Variants in ZNF304 observed in about 807,000 individuals in gnomAD.
The protein encoded by ZNF304 is KRAB-containing zinc finger protein.
Under a neutral mutation model 7.8 loss-of-function variants are expected in ZNF304, and 7 were observed. That is an observed-to-expected ratio of 0.90 (90% CI 0.51 to 1.69). The LOEUF (loss-of-function observed/expected upper bound fraction) is 1.69, where lower values mean the gene tolerates loss of function less well. ZNF304 is among the 40% of genes most tolerant of loss of function. The pLI is 0.00. For synonymous variants in ZNF304, 280 were observed against 272.4 expected (o/e 1.03, Z -0.27); for missense variants, 669 against 804.8 (o/e 0.83, Z 2.04).
intron 2 of ZNF304, among the ~76,000 whole-genome samples, chr19:57,354,907 T>G (rs954695008): frequency 6.6e-6 from 1 of 152,218 alleles, no homozygotes; most frequent in East Asian, 1.9e-4. Flanking sequence ...CTGGCTGTGT[T>G]CAGTGTTTCT....
Position 57,358,310 on chromosome 19 carries a change from A to G in ZNF304, c.*461A>G, listed in dbSNP as rs1027039688. ...CCTCATGATTAGGTTCTGAGCAAAC[A>G]TGATCTAGCTCTCACCAAAAGGACC... is the stretch of plus-strand genomic sequence containing the variant. On this transcript the variant is annotated 3_prime_UTR_variant, in exon 3 of 3. Coordinates refer to ENST00000282286, the MANE Select transcript of ZNF304 (RefSeq NM_020657.4). 1 of 141,046 alleles carries G rather than the reference A, an allele frequency of 7.1e-6. No homozygotes were observed. Among genetic ancestry groups the G allele is most frequent in the Non-Finnish European group, 1.4e-5 (1 of 69,104 alleles). The allele number at this position is 141,046 out of a possible 1,614,324, so 8.7% of individuals were successfully genotyped here. A position where few individuals can be genotyped will look rare whatever the true frequency, so the allele number is the denominator to read the frequency against.
chr19:57,354,156 C>T (rs1402438444), intron 2 of ZNF304, among the ~76,000 whole-genome samples: 1 of 152,032 alleles, frequency 6.6e-6, no homozygotes, highest in Non-Finnish European at 1.5e-5. Flanking sequence ...ACTATAGGTG[C>T]ATGCCACCAC....
rs985291934 is a variant in ZNF304, at chr19:57,351,457, G to C, written c.-208G>C. ...GGGACGGGCGGCCTCTCGCGGAGGT[G>C]TCTGCCGGGGCTGGGCTCTTACCGA... is the stretch of plus-strand genomic sequence containing the variant. On this transcript the variant is annotated 5_prime_UTR_variant, in exon 1 of 3. Coordinates refer to ENST00000282286, the MANE Select transcript of ZNF304 (RefSeq NM_020657.4). This position sits in a 1 kb window ranked among gnomAD's most constrained non-coding sequence, Gnocchi z 4.1. The C allele has an allele frequency of 1.7e-5, 10 of 600,690 alleles. No homozygotes were observed. Among genetic ancestry groups the C allele is most frequent in the Non-Finnish European group, 2.9e-5 (10 of 341,228 alleles). 37.2% of individuals were successfully genotyped at this position (600,690 alleles called of 1,614,324 possible).
In ZNF304 at chr19:57,353,836, C is replaced by T. The variant is rs1049199937; in HGVS notation, c.145C>T (p.Leu49Phe). The T allele has an allele frequency of 6.2e-7, 1 of 1,607,744 alleles. No individual in the cohort carries two copies. The highest frequency in any genetic ancestry group is 8.5e-7 in the Non-Finnish European group (1 of 1,176,798). ...TGATGTGATGCTGGAGAACTTTGCA[C>T]TTGTGGCTACACTAGGTAAGTCTGT... Reference protein sequence around the residue: ...YRDVMLENFALVATLGFWCEA... With the variant: ...YRDVMLENFAFVATLGFWCEA... The change falls in exon 2 of 3, where the codon CTT becomes TTT. Residue 49 changes from leucine to phenylalanine, a missense_variant. Leu to Phe is a conservative substitution (Grantham distance 22). Transcript: ENST00000282286.
Position 57,357,938 on chromosome 19 carries a change from G to C in ZNF304, c.*89G>C. 1 of 1,471,756 alleles carries C rather than the reference G, an allele frequency of 6.8e-7. No individual in the cohort carries two copies. The highest frequency in any genetic ancestry group is 1.4e-5 in the South Asian group (1 of 73,282). 91.2% of individuals were successfully genotyped at this position (1,471,756 alleles called of 1,614,324 possible). A position where few individuals can be genotyped will look rare whatever the true frequency, so the allele number is the denominator to read the frequency against. On this transcript the variant is annotated 3_prime_UTR_variant, in exon 3 of 3. Transcript: ENST00000282286. ...CTCATAGGACTCACACCAGAGCAAT[G>C]CTCTGTGAGTACCCTTTGTGAGGGA...
intron 2 of ZNF304, 112 bp from the exon 3 acceptor site, chr19:57,355,918 G>C: frequency 1.6e-5 from 20 of 1,244,812 alleles, no homozygotes; most frequent in Non-Finnish European, 2.1e-5. Context: ...TGGCCCTCTT[G>C]TCCTGCCAAC....
chr19:57,358,082 C>T lies in ZNF304; in HGVS notation c.*233C>T. On this transcript the variant is annotated 3_prime_UTR_variant, in exon 3 of 3. Coordinates refer to ENST00000282286, the MANE Select transcript of ZNF304 (RefSeq NM_020657.4). ...TTGCACTTTGTAACTGTCTAGAGCT[C>T]TTGATGGAATTATATCACTGCCAGT... The T allele has an allele frequency of 2.0e-6, 1 of 498,130 alleles. No individual in the cohort carries two copies. The highest frequency in any genetic ancestry group is 3.5e-6 in the Non-Finnish European group (1 of 287,502). The allele number at this position is 498,130 out of a possible 1,614,324, so 30.9% of individuals were successfully genotyped here. A position where few individuals can be genotyped will look rare whatever the true frequency, so the allele number is the denominator to read the frequency against.
Position 57,356,927 on chromosome 19 carries a change from A to G in ZNF304, c.1058A>G (p.His353Arg). 1.2e-6 allele frequency: 2 copies of G among 1,614,216 alleles called. No homozygotes were observed. The highest frequency in any genetic ancestry group is 1.7e-6 in the Non-Finnish European group (2 of 1,180,022). ...AGCAGAAGCTCCCACCTTGTTCAGCACCAGAGAATTCACACAGGAGAAAGG... is the reference window on the plus strand; with the variant it reads ...AGCAGAAGCTCCCACCTTGTTCAGCGCCAGAGAATTCACACAGGAGAAAGG... ...AYSRSSHLVQHQRIHTGERPY... is the reference protein window; with the variant it reads ...AYSRSSHLVQRQRIHTGERPY... The change falls in exon 3 of 3, where the codon CAC becomes CGC. Residue 353 changes from histidine (H) to arginine (R), a missense_variant. His to Arg is a conservative substitution (Grantham distance 29). Transcript: ENST00000282286.
intron 1 of ZNF304, chr19:57,352,867 G>C (rs1268309236): frequency 6.6e-6 from 1 of 152,176 alleles, no homozygotes; most frequent in Non-Finnish European, 1.5e-5. Context: ...GTAAAATTAT[G>C]AAAATGCCAT....
At position 57,351,724 on chromosome 19, in the gene ZNF304, C is replaced by A. The variant is rs953951615; in HGVS notation, c.33+27C>A. 6.2e-7 allele frequency: 1 copy of A among 1,604,478 alleles called. No homozygotes were observed. The highest frequency in any genetic ancestry group is 2.2e-5 in the East Asian group (1 of 44,634). ...TGAGTGGGGGCATCCCTCAAGCGCA[C>A]CCCGGCCTGGTTGGTGTGTCCTGGG... is the stretch of plus-strand genomic sequence containing the variant. On this transcript the variant is annotated intron_variant, in intron 1 of 2. Coordinates refer to ENST00000282286, the MANE Select transcript of ZNF304 (RefSeq NM_020657.4). The surrounding 1 kb of genome is among the most constrained non-coding windows in gnomAD (Gnocchi z 4.1).
rs2088273682 is a variant in ZNF304 at position 57,351,525 on chromosome 19, A to T, written c.-140A>T. The T allele has an allele frequency of 3.8e-6, 4 of 1,046,038 alleles. No individual in the cohort carries two copies. In the Admixed American group the frequency reaches 5.6e-5, roughly 15 times the overall value. The allele number at this position is 1,046,038 out of a possible 1,614,324, so 64.8% of individuals were successfully genotyped here. ...TCTTGTCCTTGTCTCCCCCAGAAGC[A>T]GCCGCCTTAGTCTTGTGAGCGTTTT... On this transcript the variant is annotated 5_prime_UTR_variant, in exon 1 of 3. Transcript: ENST00000282286. This position sits in a 1 kb window ranked among gnomAD's most constrained non-coding sequence, Gnocchi z 4.1.
chr19:57,357,820 C>G lies in ZNF304; in HGVS notation c.1951C>G (p.Pro651Ala). 6.2e-7 allele frequency: 1 copy of G among 1,603,032 alleles called. No homozygotes were observed. Among genetic ancestry groups the G allele is most frequent in the Non-Finnish European group, 8.5e-7 (1 of 1,176,254 alleles). ...RAHECNSFGG[P>A]LAASLKLV is the part of the protein sequence containing the mutation. Reference sequence around the variant, plus strand: ...TCACGAGTGCAACAGTTTTGGTGGCCCTTTAGCTGCATCTCTTAAACTTGT... The same window carrying G: ...TCACGAGTGCAACAGTTTTGGTGGCGCTTTAGCTGCATCTCTTAAACTTGT... The change falls in exon 3 of 3, where the codon CCT becomes GCT. Residue 651 changes from proline to alanine, a missense_variant. Physicochemically the swap from Pro to Ala is conservative, Grantham distance 27. Transcript: ENST00000282286.
In ZNF304 at chr19:57,359,430, AT is replaced by A. The variant is rs1323199492; in HGVS notation, c.*1584del. The A allele has an allele frequency of 6.6e-6, 1 of 152,248 alleles. No homozygotes were observed. Among genetic ancestry groups the A allele is most frequent in the Non-Finnish European group, 1.5e-5 (1 of 68,046 alleles). The allele number at this position is 152,248 out of a possible 1,614,324, so 9.4% of individuals were successfully genotyped here. ...GTATATATAGATTTTAATGAGGAAC[AT>A]TTATTTAATAGCTTTATGGAGGTAT... On this transcript the variant is annotated 3_prime_UTR_variant, in exon 3 of 3. Transcript: ENST00000282286.
Position 57,357,321 on chromosome 19 carries a change from C to T in ZNF304, c.1452C>T (p.Phe484=), listed in dbSNP as rs2088358182. The T allele has an allele frequency of 6.2e-7, 1 of 1,611,804 alleles. No individual in the cohort carries two copies. Among genetic ancestry groups the T allele is most frequent in the Non-Finnish European group, 8.5e-7 (1 of 1,179,352 alleles). The change falls in exon 3 of 3, where the codon TTC becomes TTT. Residue 484 remains phenylalanine (F), a synonymous_variant. Coordinates refer to ENST00000282286, the MANE Select transcript of ZNF304 (RefSeq NM_020657.4). ...AGTGCAGTGAATGTGGGAAGGCCTTCAGCCGTAAAGACACACTTGTGCAAC... is the reference window on the plus strand; with the variant it reads ...AGTGCAGTGAATGTGGGAAGGCCTTTAGCCGTAAAGACACACTTGTGCAAC... The part of the protein sequence containing the change: ...PYECSECGKA[F]SRKDTLVQHQ...
intron 1 of ZNF304, among the ~76,000 whole-genome samples, chr19:57,353,198 C>A (rs1317374715): frequency 6.6e-6 from 1 of 152,118 alleles, no homozygotes; most frequent in Non-Finnish European, 1.5e-5. Flanking sequence ...TGTGAAGACG[C>A]GAGCGCTTCC....
Position 57,353,796 on chromosome 19 carries a change from G to C in ZNF304, c.105G>C (p.Gln35His), listed in dbSNP as rs750538640. Residue 35 changes from glutamine (Q) to histidine (H), a missense_variant, in exon 2 of 3, where the codon CAG becomes CAC. Transcript: ENST00000282286. ...AGTGGGAACTCCTTGAGGAGGCACAGAGATTCCTGTACCGTGATGTGATGC... is the reference window on the plus strand; with the variant it reads ...AGTGGGAACTCCTTGAGGAGGCACACAGATTCCTGTACCGTGATGTGATGC... ...REEWELLEEA[Q>H]RFLYRDVMLE... 5 of 1,613,814 alleles carry C rather than the reference G, an allele frequency of 3.1e-6. No homozygotes were observed. The highest frequency in any genetic ancestry group is 4.2e-6 in the Non-Finnish European group (5 of 1,179,822).
intron 2 of ZNF304, among the ~76,000 whole-genome samples, chr19:57,355,781 T>C (rs949600090): frequency 1.3e-5 from 2 of 152,224 alleles, no homozygotes; most frequent in Non-Finnish European, 2.9e-5. Context: ...TGCAGAGGAA[T>C]CAGGTAGAGG....
Position 57,359,067 on chromosome 19 carries a change from TGTGGGATGGGA to T in ZNF304, c.*1222_*1232del, listed in dbSNP as rs1482963103. On this transcript the variant is annotated 3_prime_UTR_variant, in exon 3 of 3. Transcript: ENST00000282286. The stretch of plus-strand genomic sequence containing the variant: ...ACAAGTCTCGGTGCAGTTATGATGG[TGTGGGATGGGA>T]GTGCATAGAAATTCTCAGGACCTTC... The T allele has an allele frequency of 1.3e-5, 2 of 152,178 alleles. No individual in the cohort carries two copies. The highest frequency in any genetic ancestry group is 4.8e-5 in the African/African-American group (2 of 41,458). The allele number at this position is 152,178 out of a possible 1,614,324, so 9.4% of individuals were successfully genotyped here. A position where few individuals can be genotyped will look rare whatever the true frequency, so the allele number is the denominator to read the frequency against.
Position 57,357,408 on chromosome 19 carries a change from C to A in ZNF304, c.1539C>A (p.Ser513Arg). 6.2e-7 allele frequency: 1 copy of A among 1,614,166 alleles called. No homozygotes were observed. The highest frequency in any genetic ancestry group is 8.5e-7 in the Non-Finnish European group (1 of 1,180,022). The change falls in exon 3 of 3, where the codon AGC becomes AGA. Residue 513 changes from serine to arginine, a missense_variant. By Grantham distance (110) the Ser-to-Arg change is moderately radical (BLOSUM62 -1). Coordinates refer to ENST00000282286, the MANE Select transcript of ZNF304 (RefSeq NM_020657.4). ...YECGECGKFF[S>R]HSSNLIVHQR... ...GTGGTGAATGTGGTAAATTCTTCAG[C>A]CATAGCTCCAACCTTATTGTACACC...
Sources: gnomAD v4.1 joint callset for allele counts (sites outside exome capture counted in the v4.1 genomes callset) on GRCh38, gnomAD v4.1.1 for gene constraint, Gnocchi (gnomAD v3.1) non-coding constraint, MANE v1.5 for transcripts, NCBI Gene and HGNC (gene_info 2026-07-23, HGNC 2026-07-21) for gene names.